Variants in LPAR3 observed in about 807,000 individuals in gnomAD.
The protein encoded by LPAR3 is LPA receptor 3.
Under a neutral mutation model 17.8 loss-of-function variants are expected in LPAR3, and 7 were observed. The observed-to-expected ratio is 0.39, with a 90% CI of 0.22 to 0.74. LPAR3 has a LOEUF of 0.74. Ranked by LOEUF, LPAR3 falls within the 30% of genes least tolerant of loss-of-function variation. The probability of loss-of-function intolerance (pLI) is 0.40; values close to 1 mark genes in which losing one functional copy is unlikely to be tolerated. For missense variants in LPAR3, 391 were observed against 453.4 expected (o/e 0.86, Z 1.25); for synonymous variants, 179 against 179.9 (o/e 0.99, Z 0.04).
chr1:84,822,050 A>T (rs775016592), intron 2 of LPAR3, among the ~76,000 whole-genome samples: 2 of 152,194 alleles, frequency 1.3e-5, no homozygotes, highest in Non-Finnish European at 1.5e-5. Flanking sequence ...GTAGGTGGTA[A>T]CTGAGGCAAA....
At chr1:84,872,368 C>T (rs1660171201) in intron 1 of LPAR3, among the ~76,000 whole-genome samples, 1 of 152,066 alleles carries the variant, frequency 6.6e-6, no homozygotes, top group Non-Finnish European at 1.5e-5. Context: ...GGAGTGGGTT[C>T]CCTACCTCCA....
At chr1:84,833,964 A>C (rs1234185107) in intron 2 of LPAR3, among the ~76,000 whole-genome samples, 1 of 152,212 alleles carries the variant, frequency 6.6e-6, no homozygotes, top group African/African-American at 2.4e-5. Context: ...GAAACTAGCT[A>C]TTCTTTTCTA....
chr1:84,821,918 A>G (rs547216120), intron 2 of LPAR3, among the ~76,000 whole-genome samples: 1 of 152,274 alleles, frequency 6.6e-6, no homozygotes, highest in East Asian at 1.9e-4. Flanking sequence ...GTTCAGTTTT[A>G]GGCATCAGGC....
At chr1:84,861,279 A>C (rs2102763399) in intron 2 of LPAR3, among the ~76,000 whole-genome samples, 1 of 152,264 alleles carries the variant, frequency 6.6e-6, no homozygotes, top group Non-Finnish European at 1.5e-5. Flanking sequence ...TCTTACATGT[A>C]GTATGTAGGG....
chr1:84,860,285 G>A (rs955787408), intron 2 of LPAR3, among the ~76,000 whole-genome samples: 4 of 152,126 alleles, frequency 2.6e-5, no homozygotes, highest in Non-Finnish European at 5.9e-5. Flanking sequence ...AAATCCCAAA[G>A]CTGGAAAGGA....
At chr1:84,824,396 G>A (rs900767162) in intron 2 of LPAR3, among the ~76,000 whole-genome samples, 4 of 152,150 alleles carry the variant, frequency 2.6e-5, no homozygotes, top group Non-Finnish European at 5.9e-5. Context: ...TCTGGGCTCA[G>A]ATATGACCTA....
chr1:84,817,400 G>A (rs1249925842), intron 2 of LPAR3, among the ~76,000 whole-genome samples: 3 of 151,998 alleles, frequency 2.0e-5, no homozygotes, highest in Non-Finnish European at 4.4e-5. Flanking sequence ...GAGGTGCGTG[G>A]GGAGGACTTA....
At chr1:84,884,354 T>C (rs559510401) in intron 1 of LPAR3, among the ~76,000 whole-genome samples, 1 of 152,356 alleles carries the variant, frequency 6.6e-6, no homozygotes, top group African/African-American at 2.4e-5. Context: ...ATTGCCTTGC[T>C]GAGAGAATTA....
rs1033457758 is a variant in LPAR3 at position 84,876,661 on chromosome 1, C to T, written c.-18-10523G>A. On this transcript the variant is annotated intron_variant, in intron 1 of 2. Coordinates refer to ENST00000370611, the MANE Select transcript of LPAR3 (RefSeq NM_012152.3). ...AAATGGTATCCCCTCCCCGCCGCTC[C>T]GGTTACCAGGTTGACTATATCACCT... Among the ~76,000 whole-genome samples, 6 of 152,188 alleles carry T rather than the reference C, an allele frequency of 3.9e-5. No homozygotes were observed. The South Asian group carries it at 6.2e-4, about 16-fold the overall frequency.
At chr1:84,823,046 C>T (rs1048285428) in intron 2 of LPAR3, among the ~76,000 whole-genome samples, 2 of 152,184 alleles carry the variant, frequency 1.3e-5, no homozygotes, top group Non-Finnish European at 2.9e-5. Context: ...TAGTAAGCCG[C>T]AGGGCCATCT....
intron 2 of LPAR3, among the ~76,000 whole-genome samples, chr1:84,826,606 T>C (rs529212619): frequency 7.3e-5 from 10 of 137,492 alleles, no homozygotes; most frequent in African/African-American, 2.3e-4. Context: ...TTATTATTTA[T>C]TGTTTTTAAC....
intron 2 of LPAR3, among the ~76,000 whole-genome samples, chr1:84,845,494 T>C (rs1224601005): frequency 2.0e-5 from 3 of 152,288 alleles, no homozygotes; most frequent in African/African-American, 7.2e-5. Flanking sequence ...CCCTGTAAAC[T>C]ATAAATCTGT....
intron 1 of LPAR3, among the ~76,000 whole-genome samples, chr1:84,870,302 T>A (rs1049597025): frequency 3.9e-5 from 6 of 152,202 alleles, no homozygotes; most frequent in Admixed American, 6.5e-5. Context: ...AGTATTTTCT[T>A]TTGTTGCTTA....
intron 1 of LPAR3, among the ~76,000 whole-genome samples, chr1:84,880,838 A>G (rs1235973721): frequency 6.6e-6 from 1 of 152,224 alleles, no homozygotes; most frequent in Non-Finnish European, 1.5e-5. Context: ...GTACAGAAGA[A>G]GGAAGGACTT....
intron 2 of LPAR3, among the ~76,000 whole-genome samples, chr1:84,860,022 G>A (rs925701201): frequency 7.2e-5 from 11 of 152,180 alleles, no homozygotes; most frequent in Non-Finnish European, 1.2e-4. Context: ...AAGCAGGATC[G>A]TATGTCTCCG....
In LPAR3 at chr1:84,865,635, G is replaced by T. The variant is rs146049203; in HGVS notation, c.486C>A (p.Val162=). The T allele has an allele frequency of 5.5e-5, 88 of 1,614,192 alleles. 1 individual carries two copies. The African/African-American group carries it at 7.9e-4, about 14-fold the overall frequency. The change falls in exon 2 of 3, where the codon GTC becomes GTA. Residue 162 remains valine (V), a synonymous_variant. Coordinates refer to ENST00000370611, the MANE Select transcript of LPAR3 (RefSeq NM_012152.3). The part of the protein sequence containing the change: ...VWAIAIFMGA[V]PTLGWNCLCN... ...AGAGGCAATTCCAGCCCAGTGTGGG[G>T]ACCGCCCCCATAAAAATGGCGATGG...
chr1:84,830,587 C>A (rs1434019175), intron 2 of LPAR3, among the ~76,000 whole-genome samples: 1 of 152,180 alleles, frequency 6.6e-6, no homozygotes, highest in African/African-American at 2.4e-5. Flanking sequence ...ATCTGGCCAG[C>A]TAGACTGAGA....
At chr1:84,855,313 C>T (rs1659796440) in intron 2 of LPAR3, among the ~76,000 whole-genome samples, 2 of 152,096 alleles carry the variant, frequency 1.3e-5, no homozygotes, top group Admixed American at 6.5e-5. Context: ...TTGAATTAGC[C>T]CAGTGATATG....
At chr1:84,864,239 A>G (rs1276368977) in intron 2 of LPAR3, among the ~76,000 whole-genome samples, 7 of 151,758 alleles carry the variant, frequency 4.6e-5, no homozygotes, top group Non-Finnish European at 8.8e-5. Context: ...AAACAAAAAA[A>G]CAGAATCTGA....
Sources: gnomAD v4.1 joint callset for allele counts (sites outside exome capture counted in the v4.1 genomes callset) on GRCh38, gnomAD v4.1.1 for gene constraint, MANE v1.5 for transcripts, NCBI Gene and HGNC (gene_info 2026-07-23, HGNC 2026-07-21) for gene names.